FERMT1: variants seen among roughly 807,000 people sequenced by gnomAD.
FERMT1 encodes fermitin family homolog 1.
A neutral mutation model predicts 85.3 loss-of-function variants in FERMT1; 60 were observed. The observed-to-expected ratio is 0.70, with a 90% CI of 0.57 to 0.87. The LOEUF (loss-of-function observed/expected upper bound fraction) is 0.87. Ranked by LOEUF, FERMT1 falls within the 40% of genes least tolerant of loss-of-function variation. FERMT1 has a pLI of 0.00. For synonymous variants in FERMT1, 275 were observed against 301.1 expected, an observed-to-expected ratio of 0.91 and a Z score of 0.90; for missense variants, 701 against 818.9, an observed-to-expected ratio of 0.86 and a Z score of 1.76.
chr20:6,113,273 G>A (rs1381004074), intron 3 of FERMT1, among the ~76,000 whole-genome samples: 1 of 152,136 alleles, frequency 6.6e-6, no homozygotes, highest in Non-Finnish European at 1.5e-5. Context: ...CAGCCATGTG[G>A]AACTGTAAGT....
At chr20:6,085,339 GCA>G in intron 11 of FERMT1, 52 bp from the exon 12 acceptor site, 2 of 1,501,240 alleles carry the variant, frequency 1.3e-6, no homozygotes, top group Non-Finnish European at 1.9e-6. Flanking sequence ...GCCCCCTGCT[GCA>G]CACAGAGGGG....
At chr20:6,117,291 CAG>C (rs1467528854) in intron 2 of FERMT1, among the ~76,000 whole-genome samples, 1 of 151,616 alleles carries the variant, frequency 6.6e-6, no homozygotes, top group Non-Finnish European at 1.5e-5. Context: ...TTTTTTGAGA[CAG>C]AGTCTCACTC....
At chr20:6,091,095 G>A (rs1226538119) in intron 9 of FERMT1, among the ~76,000 whole-genome samples, 5 of 151,248 alleles carry the variant, frequency 3.3e-5, no homozygotes, top group African/African-American at 7.3e-5. Context: ...TTCAGGAGGC[G>A]GAGGCTGCAG....
At chr20:6,105,615 T>C (rs1291768063) in intron 6 of FERMT1, among the ~76,000 whole-genome samples, 1 of 152,236 alleles carries the variant, frequency 6.6e-6, no homozygotes, top group African/African-American at 2.4e-5. Context: ...TATTACTATA[T>C]ACATTTTCAA....
At chr20:6,122,574 G>A (rs1282395596) in intron 1 of FERMT1, among the ~76,000 whole-genome samples, 200 bp downstream of exon 1, 1 of 152,234 alleles carries the variant, frequency 6.6e-6, no homozygotes, top group Non-Finnish European at 1.5e-5. Context: ...AGCACCTGCG[G>A]CTGAACTGAA....
At position 6,076,246 on chromosome 20, in the gene FERMT1, C is replaced by A; in HGVS notation, c.*927G>T. ...ATGGTGGTCTTTGAGAATGGGTCTG[C>A]CCTTCTCTCCCTGACCAGTTGGGAT... On this transcript the variant is annotated 3_prime_UTR_variant, in exon 15 of 15. Transcript: ENST00000217289. The A allele has an allele frequency of 2.9e-6, 1 of 342,536 alleles. No individual in the cohort carries two copies. The highest frequency in any genetic ancestry group is 5.8e-6 in the Non-Finnish European group (1 of 173,356). 21.2% of individuals were successfully genotyped at this position (342,536 alleles called of 1,614,324 possible).
Position 6,079,532 on chromosome 20 carries a change from G to C in FERMT1, c.1764C>G (p.Asn588Lys). Residue 588 changes from asparagine (N) to lysine (K), a missense_variant, in exon 14 of 15, where the codon AAC (asparagine) becomes AAG (lysine). By Grantham distance (94) the Asn-to-Lys change is moderately conservative. Coordinates refer to ENST00000217289, the MANE Select transcript of FERMT1 (RefSeq NM_017671.5). ...KKDDILGVSY[N>K]RLIKIDAATG... is the part of the protein sequence containing the mutation. The stretch of plus-strand genomic sequence containing the variant: ...TGGCTGCATCAATTTTAATCAACCT[G>C]TTATATGAAACTCCCAGAATGTCAT... 1 of 1,613,750 alleles carries C rather than the reference G, an allele frequency of 6.2e-7. No homozygotes were observed. The highest frequency in any genetic ancestry group is 8.5e-7 in the Non-Finnish European group (1 of 1,179,732).
chr20:6,099,547 A>C (rs940149001), intron 6 of FERMT1, among the ~76,000 whole-genome samples: 2 of 152,226 alleles, frequency 1.3e-5, no homozygotes, highest in Non-Finnish European at 2.9e-5. Flanking sequence ...AGAATAGGCA[A>C]ATTCATAAAG....
chr20:6,079,918 T>C (rs145729692), intron 13 of FERMT1, among the ~76,000 whole-genome samples: 14 of 152,204 alleles, frequency 9.2e-5, no homozygotes, highest in Middle Eastern at 3.4e-3. Flanking sequence ...GGATGGAAAA[T>C]TTCTGACTGT....
chr20:6,087,813 G>T lies in FERMT1; in HGVS notation c.1335C>A (p.Ala445=). The T allele has an allele frequency of 6.2e-7, 1 of 1,609,308 alleles. No individual in the cohort carries two copies. The part of the protein sequence containing the change: ...KFGIKLLIPV[A]DGMNEMYLRC... ...TCAAATACATTTCATTCATACCATC[G>T]GCAACAGGGATTAGTAACTTGATTC... Residue 445 remains alanine (A), a synonymous_variant, in exon 11 of 15, where the codon GCC becomes GCA. Coordinates refer to ENST00000217289, the MANE Select transcript of FERMT1 (RefSeq NM_017671.5).
At chr20:6,097,927 G>GC (rs1484357649) in intron 6 of FERMT1, among the ~76,000 whole-genome samples, 1 of 151,688 alleles carries the variant, frequency 6.6e-6, no homozygotes, top group Non-Finnish European at 1.5e-5. Flanking sequence ...CAATTCTTGT[G>GC]CCCCAGCCTC....
At position 6,112,518 on chromosome 20, in the gene FERMT1, A is replaced by G; in HGVS notation, c.491T>C (p.Ile164Thr). ...TGTTGGAGAACTCTCCAGGTTTAGA[A>G]TATCTTCAATTATGGGTTCCTTATT... The part of the protein sequence containing the change: ...KNNKEPIIED[I>T]LNLESSPTAS... The change falls in exon 4 of 15, where the codon ATT (isoleucine) becomes ACT (threonine). Residue 164 changes from isoleucine to threonine, a missense_variant. Transcript: ENST00000217289. The G allele has an allele frequency of 1.2e-6, 2 of 1,613,584 alleles. No individual in the cohort carries two copies. The highest frequency in any genetic ancestry group is 1.7e-6 in the Non-Finnish European group (2 of 1,179,676).
intron 14 of FERMT1, 50 bp downstream of exon 14, chr20:6,079,386 G>C: frequency 6.3e-7 from 1 of 1,596,138 alleles, no homozygotes; most frequent in Non-Finnish European, 8.6e-7. Context: ...CAATTCTGAG[G>C]GACACACATT....
In FERMT1 at chr20:6,077,304, A is replaced by C; in HGVS notation, c.1903T>G (p.Cys635Gly). 1 of 1,614,228 alleles carries C rather than the reference A, an allele frequency of 6.2e-7. No individual in the cohort carries two copies. The highest frequency in any genetic ancestry group is 8.5e-7 in the Non-Finnish European group (1 of 1,180,040). Residue 635 changes from cysteine to glycine, a missense_variant, in exon 15 of 15, where the codon TGC (cysteine) becomes GGC (glycine). Coordinates refer to ENST00000217289, the MANE Select transcript of FERMT1 (RefSeq NM_017671.5). Reference protein sequence around the residue: ...FDQNVFTAFTCLSADCKIVHE... With the variant: ...FDQNVFTAFTGLSADCKIVHE... ...ACAATCTTGCAATCTGCACTCAGGCAGGTGAAAGCAGTAAAGACGTTTTGG... is the reference window on the plus strand; with the variant it reads ...ACAATCTTGCAATCTGCACTCAGGCCGGTGAAAGCAGTAAAGACGTTTTGG...
At chr20:6,107,199 C>CAAAAAAAAAAAAA (rs59180891) in intron 6 of FERMT1, among the ~76,000 whole-genome samples, 1 of 92,646 alleles carries the variant, frequency 1.1e-5, no homozygotes, top group Non-Finnish European at 2.1e-5. Context: ...CTGTCTCAAC[C>CAAAAAAAAAAAAA]AAAAAAAAAA....
chr20:6,103,958 C>T (rs2084693774), intron 6 of FERMT1, among the ~76,000 whole-genome samples: 1 of 151,956 alleles, frequency 6.6e-6, no homozygotes, highest in Non-Finnish European at 1.5e-5. Flanking sequence ...GCAACCTCTG[C>T]TTCCCGGGTT....
chr20:6,074,888 T>TA lies in FERMT1; in HGVS notation c.*2284dup, dbSNP rs1981766695. 6.6e-6 allele frequency: 1 copy of TA among 152,172 alleles called. No individual in the cohort carries two copies. The highest frequency in any genetic ancestry group is 2.4e-5 in the African/African-American group (1 of 41,386). The allele number at this position is 152,172 out of a possible 1,614,324, so 9.4% of individuals were successfully genotyped here. On this transcript the variant is annotated 3_prime_UTR_variant, in exon 15 of 15. Coordinates refer to ENST00000217289, the MANE Select transcript of FERMT1 (RefSeq NM_017671.5). ...TTTACTTAAAAGTCATATAAAAGAA[T>TA]AAAAAATGCAGATTTCTGAATCAAC... is the stretch of plus-strand genomic sequence containing the variant.
intron 11 of FERMT1, 105 bp downstream of exon 11, chr20:6,087,672 A>G: frequency 1.3e-6 from 1 of 761,706 alleles, no homozygotes; most frequent in South Asian, 1.4e-5. Flanking sequence ...ACAAAGCAAT[A>G]GCTGAGTGAC....
intron 5 of FERMT1, among the ~76,000 whole-genome samples, chr20:6,109,120 T>C (rs1021861247): frequency 6.6e-5 from 10 of 151,978 alleles, no homozygotes; most frequent in African/African-American, 2.4e-4. Flanking sequence ...AGTTGAGAAA[T>C]AAAAACTGGG....
Sources: gnomAD v4.1 joint callset for allele counts (sites outside exome capture counted in the v4.1 genomes callset) on GRCh38, gnomAD v4.1.1 for gene constraint, MANE v1.5 for transcripts, NCBI Gene and HGNC (gene_info 2026-07-23, HGNC 2026-07-21) for gene names.